TUBGCP5: variants seen among roughly 807,000 people sequenced by gnomAD.
TUBGCP5 encodes the protein gamma-tubulin complex component 5.
In TUBGCP5, 98 loss-of-function variants were observed where a neutral mutation model predicts 134.7. That is an observed-to-expected ratio of 0.73 (90% CI 0.62 to 0.86). TUBGCP5 has a LOEUF of 0.86. TUBGCP5 is among the 40% of genes least tolerant of loss of function. The pLI is 0.00. For missense variants in TUBGCP5, 1,150 were observed against 1,244.8 expected, an observed-to-expected ratio of 0.92 and a Z score of 1.15; for synonymous variants, 456 against 431.4, an observed-to-expected ratio of 1.06 and a Z score of -0.71.
chr15:23,037,822 G>A (rs914333572), intron 1 of TUBGCP5, among the ~76,000 whole-genome samples: 11 of 152,310 alleles, frequency 7.2e-5, no homozygotes, highest in Middle Eastern at 3.4e-3. Flanking sequence ...TTCAGTTAGA[G>A]AAAAGTGAGC....
chr15:23,026,197 T>A lies in TUBGCP5; in HGVS notation c.746A>T (p.His249Leu). ...ATACAATGGATCACTGCTGTACAAGTGTTGGTCCCTATGAGACAGCAAACA... is the reference window on the plus strand; with the variant it reads ...ATACAATGGATCACTGCTGTACAAGAGTTGGTCCCTATGAGACAGCAAACA... Reference protein sequence around the residue: ...HSNLAAVWDQHLYSSDPLYVP... With the variant: ...HSNLAAVWDQLLYSSDPLYVP... The change falls in exon 8 of 23, where the codon CAC becomes CTC. Residue 249 changes from histidine to leucine, a missense_variant. Transcript: ENST00000615383. 1.2e-6 allele frequency: 2 copies of A among 1,613,136 alleles called. No homozygotes were observed. Among genetic ancestry groups the A allele is most frequent in the African/African-American group, 2.7e-5 (2 of 75,010 alleles).
chr15:23,021,706 TTGTAAATATCTATA>T (rs2065708217), intron 11 of TUBGCP5, among the ~76,000 whole-genome samples: 1 of 152,224 alleles, frequency 6.6e-6, no homozygotes, highest in Non-Finnish European at 1.5e-5. Context: ...GAAAGCGTTA[TTGTAAATATCTATA>T]CACATCAGGT....
At chr15:22,999,982 C>G in intron 22 of TUBGCP5, 116 bp from the exon 23 acceptor site, 11 of 916,200 alleles carry the variant, frequency 1.2e-5, no homozygotes, top group Non-Finnish European at 1.9e-5. Context: ...ACAATCTCAG[C>G]TCACTGCAAC....
intron 23 of TUBGCP5, among the ~76,000 whole-genome samples, chr15:22,993,482 C>T (rs1211654640): frequency 6.7e-6 from 1 of 148,998 alleles, no homozygotes. Flanking sequence ...ACTAGACCCT[C>T]GACCTCCTGG....
At chr15:23,038,967 G>A (rs946552348) in intron 1 of TUBGCP5, among the ~76,000 whole-genome samples, 3 of 152,086 alleles carry the variant, frequency 2.0e-5, no homozygotes, top group Non-Finnish European at 4.4e-5. Flanking sequence ...AGGAGAGCAG[G>A]GTGAGAGATC....
intron 21 of TUBGCP5, among the ~76,000 whole-genome samples, chr15:23,001,402 C>T (rs1046781657): frequency 4.6e-5 from 7 of 151,030 alleles, no homozygotes; most frequent in African/African-American, 1.5e-4. Flanking sequence ...TGCAATGTAG[C>T]GATCTCGGCT....
chr15:23,022,138 C>T lies in TUBGCP5; in HGVS notation c.1192G>A (p.Val398Met). The change falls in exon 11 of 23, where the codon GTG becomes ATG. Residue 398 changes from valine (V) to methionine (M), a missense_variant. Val to Met is a conservative substitution (Grantham distance 21). This residue lies in a region of TUBGCP5 where 697 missense variants were observed against 850.1 expected (regional missense o/e 0.82). Coordinates refer to ENST00000615383, the MANE Select transcript of TUBGCP5 (RefSeq NM_052903.6). ...AATCGAGGTGCCAACTTGTCCACCA[C>T]TATTGCAAGAGTTATTGTAGTATCT... Reference protein sequence around the residue: ...NNDTTITLAIVVDKLAPRLSQ... With the variant: ...NNDTTITLAIMVDKLAPRLSQ... 1 of 1,614,174 alleles carries T rather than the reference C, an allele frequency of 6.2e-7. No individual in the cohort carries two copies. The highest frequency in any genetic ancestry group is 1.3e-5 in the African/African-American group (1 of 75,040).
In TUBGCP5 at chr15:23,022,180, C is replaced by A. The variant is rs1289729517; in HGVS notation, c.1169-19G>T. ...GTAGTATCTGCAAATATCAATAAAT[C>A]AAACTCAACAGCAAGGAAAAATACA... On this transcript the variant is annotated intron_variant, in intron 10 of 22. Coordinates refer to ENST00000615383, the MANE Select transcript of TUBGCP5 (RefSeq NM_052903.6). 6.8e-6 allele frequency: 11 copies of A among 1,611,232 alleles called. No homozygotes were observed. Among genetic ancestry groups the A allele is most frequent in the Non-Finnish European group, 9.3e-6 (11 of 1,177,374 alleles).
At chr15:23,034,373 G>T (rs928048953) in intron 3 of TUBGCP5, among the ~76,000 whole-genome samples, 1 of 152,134 alleles carries the variant, frequency 6.6e-6, no homozygotes, top group African/African-American at 2.4e-5. Flanking sequence ...TTATCAGCCC[G>T]GGAATTGAAA....
rs891785973 is a variant in TUBGCP5 at position 22,988,541 on chromosome 15, G to A, written c.*62-4930C>T. On this transcript the variant is annotated intron_variant and NMD_transcript_variant, in intron 23 of 23. Transcript: ENST00000614508. Reference sequence around the variant, plus strand: ...GAGGTCAGGAGATCGAGACCATCCTGGCTAACACAGTGAAACCCCGTCTCT... The same window carrying A: ...GAGGTCAGGAGATCGAGACCATCCTAGCTAACACAGTGAAACCCCGTCTCT... Among the ~76,000 whole-genome samples, 69 of 151,070 alleles carry A rather than the reference G, an allele frequency of 4.6e-4. 5 individuals carry two copies. The highest frequency in any genetic ancestry group is 2.0e-4 in the East Asian group (1 of 5,024).
chr15:23,005,867 T>A (rs1055765495), intron 18 of TUBGCP5, 185 bp downstream of exon 18: 6 of 684,306 alleles, frequency 8.8e-6, no homozygotes, highest in Non-Finnish European at 1.4e-5. Context: ...AGGCATTTGA[T>A]GTCCATAAAA....
At chr15:23,031,757 C>A (rs1009345155) in intron 5 of TUBGCP5, among the ~76,000 whole-genome samples, 193 bp downstream of exon 5, 1 of 152,072 alleles carries the variant, frequency 6.6e-6, no homozygotes, top group African/African-American at 2.4e-5. Context: ...CCACCATGCC[C>A]GGCCCCTTTT....
chr15:23,035,252 C>A (rs528631021), intron 3 of TUBGCP5, among the ~76,000 whole-genome samples: 26 of 149,822 alleles, frequency 1.7e-4, no homozygotes, highest in African/African-American at 6.2e-4. Context: ...TCACTTGAAT[C>A]TGGGAAGTGG....
chr15:23,031,724 G>C (rs1470683391), intron 5 of TUBGCP5, among the ~76,000 whole-genome samples: 1 of 152,076 alleles, frequency 6.6e-6, no homozygotes, highest in African/African-American at 2.4e-5. Context: ...TCTCGAAAGT[G>C]AGCAGGAGAT....
At chr15:23,031,098 C>T in intron 5 of TUBGCP5, 78 bp from the exon 6 acceptor site, 1 of 1,393,792 alleles carries the variant, frequency 7.2e-7, no homozygotes, top group Non-Finnish European at 9.4e-7. Flanking sequence ...ACTAAGAAAA[C>T]TTTGAAGAAA....
intron 20 of TUBGCP5, 95 bp downstream of exon 20, chr15:23,004,007 A>G (rs2064552329): frequency 6.9e-7 from 1 of 1,449,588 alleles, no homozygotes; most frequent in Non-Finnish European, 9.2e-7. Context: ...AGAATATTCT[A>G]CAGGACAGAA....
chr15:23,017,858 C>T lies in TUBGCP5; in HGVS notation c.1671G>A (p.Lys557=). 1 of 1,614,118 alleles carries T rather than the reference C, an allele frequency of 6.2e-7. No individual in the cohort carries two copies. Among genetic ancestry groups the T allele is most frequent in the African/African-American group, 1.3e-5 (1 of 75,052 alleles). ...TMVSFLKPVL[K]QIIMAGKSMQ... is the part of the protein sequence containing the mutation. ...TCGACTTGCCAGCCATTATGATCTG[C>T]TTCAGGACAGGTTTGAGGAAGGACA... The change falls in exon 13 of 23, where the codon AAG becomes AAA. Residue 557 remains lysine, a synonymous_variant. Transcript: ENST00000615383.
chr15:23,022,175 TA>T lies in TUBGCP5; in HGVS notation c.1169-15del. The T allele has an allele frequency of 6.2e-7, 1 of 1,612,482 alleles. No individual in the cohort carries two copies. The highest frequency in any genetic ancestry group is 8.5e-7 in the Non-Finnish European group (1 of 1,178,542). On this transcript the variant is annotated splice_polypyrimidine_tract_variant and intron_variant, in intron 10 of 22. Coordinates refer to ENST00000615383, the MANE Select transcript of TUBGCP5 (RefSeq NM_052903.6). ...TTATTGTAGTATCTGCAAATATCAA[TA>T]AATCAAACTCAACAGCAAGGAAAAA...
At chr15:23,016,495 A>AG (rs2065325397) in intron 13 of TUBGCP5, among the ~76,000 whole-genome samples, 1 of 141,994 alleles carries the variant, frequency 7.0e-6, no homozygotes, top group African/African-American at 2.7e-5. Context: ...ACTCTGTCTC[A>AG]GGAAAAAAAA....
Sources: gnomAD v4.1 joint callset for allele counts (sites outside exome capture counted in the v4.1 genomes callset) on GRCh38, gnomAD v4.1.1 for gene constraint, gnomAD v4.1.1 regional missense constraint, MANE v1.5 for transcripts, NCBI Gene and HGNC (gene_info 2026-07-23, HGNC 2026-07-21) for gene names.